GLIS1: variants seen among roughly 807,000 people sequenced by gnomAD.
The protein encoded by GLIS1 is zinc finger protein GLIS1.
A neutral mutation model predicts 63.8 loss-of-function variants in GLIS1; 24 were observed. That is an observed-to-expected ratio of 0.38 (90% confidence interval 0.27 to 0.53). The LOEUF is 0.53. GLIS1 is among the 20% of genes least tolerant of loss of function. The pLI is 0.85. For synonymous variants in GLIS1, 450 were observed against 482.5 expected, an observed-to-expected ratio of 0.93 and a Z score of 0.88; for missense variants, 1,036 against 1,074.1, an observed-to-expected ratio of 0.96 and a Z score of 0.50.
intron 4 of GLIS1, among the ~76,000 whole-genome samples, chr1:53,537,525 G>A (rs187461858): frequency 6.6e-5 from 10 of 152,350 alleles, no homozygotes; most frequent in Admixed American, 3.3e-4. Flanking sequence ...CTGAACCTGG[G>A]CTAGTCACGC....
chr1:53,559,185 C>A (rs1015999114), intron 4 of GLIS1, among the ~76,000 whole-genome samples: 2 of 152,126 alleles, frequency 1.3e-5, no homozygotes, highest in Non-Finnish European at 2.9e-5. Flanking sequence ...TTTGTATAAA[C>A]CCTGTTTTGG....
chr1:53,710,263 C>A (rs1349422722), intron 2 of GLIS1, among the ~76,000 whole-genome samples: 1 of 152,396 alleles, frequency 6.6e-6, no homozygotes, highest in East Asian at 1.9e-4. Context: ...ATGAAATATG[C>A]AGCCCATGGC....
intron 2 of GLIS1, among the ~76,000 whole-genome samples, chr1:53,708,018 C>T (rs1307503503): frequency 1.3e-5 from 2 of 151,864 alleles, no homozygotes; most frequent in South Asian, 2.1e-4. Context: ...CGCGGTGGCT[C>T]ACGCCTGTAA....
chr1:53,590,190 C>G (rs1330663216), intron 4 of GLIS1, among the ~76,000 whole-genome samples: 2 of 152,174 alleles, frequency 1.3e-5, no homozygotes, highest in Non-Finnish European at 2.9e-5. Context: ...CACAACAACC[C>G]TAAAAGGCAA....
At chr1:53,696,135 G>A (rs568391723) in intron 2 of GLIS1, among the ~76,000 whole-genome samples, 2 of 152,356 alleles carry the variant, frequency 1.3e-5, no homozygotes, top group East Asian at 3.9e-4. Flanking sequence ...GGGAGCTGGC[G>A]AGCTCCAAGC....
chr1:53,655,136 C>T (rs57298685), intron 2 of GLIS1, among the ~76,000 whole-genome samples: 3,209 of 152,262 alleles, frequency 0.021, 107 homozygotes, highest in African/African-American at 0.072. Flanking sequence ...GGTGAGGAAA[C>T]TGAGGCTGAA....
intron 4 of GLIS1, among the ~76,000 whole-genome samples, chr1:53,531,946 G>A (rs927030668): frequency 1.3e-5 from 2 of 152,206 alleles, no homozygotes; most frequent in East Asian, 3.8e-4. Flanking sequence ...TGAAGGCCAA[G>A]GAAGGGCAGG....
At chr1:53,556,371 C>CTGTGCAAGTGTACTGCAGGTGTGTGTGTG (rs1644826459) in intron 4 of GLIS1, among the ~76,000 whole-genome samples, 1 of 68,580 alleles carries the variant, frequency 1.5e-5, no homozygotes, top group Admixed American at 1.8e-4. Context: ...GCAGATGTGT[C>CTGTGCAAGTGTACTGCAGGTGTGTGTGTG]TGTGCAGGTG....
intron 2 of GLIS1, among the ~76,000 whole-genome samples, chr1:53,701,188 G>A (rs1351871198): frequency 1.3e-5 from 2 of 152,168 alleles, no homozygotes; most frequent in East Asian, 1.9e-4. Flanking sequence ...GTAACCTTTC[G>A]AGGAACTACC....
rs540910687 is a variant in GLIS1 at position 53,509,129 on chromosome 1, G to T, written c.2221C>A (p.Pro741Thr). The change falls in exon 10 of 11, where the codon CCT becomes ACT. Residue 741 changes from proline to threonine, a missense_variant. Coordinates refer to ENST00000628545, the MANE Select transcript of GLIS1 (RefSeq NM_001367484.1). ...CGCAGGCAGGGCTCACCTGTGGCAG[G>T]CAAGGGCGTGCTGAGGCTGTGGTAG... ...NGYHSLSTPL[P>T]ATGYEALAEA... 8.2e-6 allele frequency: 13 copies of T among 1,580,310 alleles called. No homozygotes were observed. In the African/African-American group the frequency reaches 1.7e-4, roughly 21 times the overall value.
At chr1:53,508,144 A>G (rs2100242472) in intron 10 of GLIS1, among the ~76,000 whole-genome samples, 1 of 101,864 alleles carries the variant, frequency 9.8e-6, no homozygotes, top group South Asian at 3.6e-4. Context: ...GGACATCCAC[A>G]TACACCTGGG....
chr1:53,674,227 C>T (rs551526797), intron 2 of GLIS1, among the ~76,000 whole-genome samples: 241 of 145,934 alleles, frequency 1.7e-3, no homozygotes, highest in African/African-American at 6.0e-3. Flanking sequence ...GGGGTGAAAA[C>T]ATTGCAAATA....
At chr1:53,566,131 A>T (rs1251627515) in intron 4 of GLIS1, among the ~76,000 whole-genome samples, 1 of 152,216 alleles carries the variant, frequency 6.6e-6, no homozygotes, top group Non-Finnish European at 1.5e-5. Flanking sequence ...TTCAATGCAC[A>T]TATATTCTAA....
At chr1:53,704,887 G>A (rs190353117) in intron 2 of GLIS1, among the ~76,000 whole-genome samples, 2 of 152,344 alleles carry the variant, frequency 1.3e-5, no homozygotes, top group Admixed American at 1.3e-4. Context: ...TGAATTTACA[G>A]GGGTTGCAGC....
At chr1:53,676,684 T>C (rs191930251) in intron 2 of GLIS1, among the ~76,000 whole-genome samples, 3 of 152,118 alleles carry the variant, frequency 2.0e-5, no homozygotes, top group Non-Finnish European at 4.4e-5. Flanking sequence ...CACAGGTCCT[T>C]CCCCAGCCCT....
At chr1:53,734,239 G>A (rs1208669153) in intron 2 of GLIS1, 1 of 972,844 alleles carries the variant, frequency 1.0e-6, no homozygotes, top group Non-Finnish European at 1.2e-6. Context: ...ATTAAATAGT[G>A]ACCTCATTAT....
chr1:53,644,787 T>C (rs1431895628), intron 2 of GLIS1, among the ~76,000 whole-genome samples: 2 of 152,018 alleles, frequency 1.3e-5, no homozygotes, highest in Non-Finnish European at 2.9e-5. Flanking sequence ...ACAGAGAGGA[T>C]CCAGAATTGC....
intron 2 of GLIS1, among the ~76,000 whole-genome samples, chr1:53,612,177 C>T (rs971415775): frequency 1.4e-4 from 22 of 152,216 alleles, no homozygotes; most frequent in African/African-American, 5.3e-4. Context: ...TTCTTTACCC[C>T]TTAGCCTGTG....
intron 2 of GLIS1, among the ~76,000 whole-genome samples, chr1:53,604,274 C>G (rs1418131207): frequency 1.3e-5 from 2 of 152,156 alleles, no homozygotes; most frequent in Non-Finnish European, 2.9e-5. Context: ...AAGGACAAAC[C>G]CTCAAGACTT....
Sources: allele counts gnomAD v4.1 joint callset (sites outside exome capture counted in the v4.1 genomes callset), GRCh38; gene constraint gnomAD v4.1.1; transcripts MANE v1.5; gene names NCBI Gene and HGNC (gene_info 2026-07-23, HGNC 2026-07-21).